The following JAZF1 variants were observed in gnomAD, a reference collection of about 807,000 sequenced individuals.
The protein encoded by JAZF1 is JAZF zinc finger 1.
In JAZF1, 8 loss-of-function variants were observed where a neutral mutation model predicts 26.4. The ratio of observed to expected loss-of-function variants is 0.30; its 90% CI spans 0.18 to 0.55. The LOEUF is 0.55. JAZF1 is among the 20% of genes least tolerant of loss of function. The pLI is 0.94. For synonymous variants in JAZF1, 126 were observed against 122.3 expected (o/e 1.03, Z -0.20); for missense variants, 199 against 322.0 (o/e 0.62, Z 2.92).
At position 27,992,006 on chromosome 7, in the gene JAZF1, T is replaced by A. The variant is rs779764198; in HGVS notation, c.116-25A>T. 2.9e-6 allele frequency: 4 copies of A among 1,388,158 alleles called. No homozygotes were observed. In the East Asian group the frequency reaches 9.1e-5, roughly 32 times the overall value. The allele number at this position is 1,388,158 out of a possible 1,614,324, so 86.0% of individuals were successfully genotyped here. A position where few individuals can be genotyped will look rare whatever the true frequency, so the allele number is the denominator to read the frequency against. The stretch of plus-strand genomic sequence containing the variant: ...TCTGTAATAAAAACACAATTACGAT[T>A]TTTTTTAGATTTTGCATCAGAATAT... On this transcript the variant is annotated intron_variant, in intron 1 of 4. Coordinates refer to ENST00000283928, the MANE Select transcript of JAZF1 (RefSeq NM_175061.4).
At chr7:28,034,322 T>C (rs1199993075) in intron 1 of JAZF1, among the ~76,000 whole-genome samples, 1 of 152,094 alleles carries the variant, frequency 6.6e-6, no homozygotes, top group Non-Finnish European at 1.5e-5. Context: ...CTAGAAGGCT[T>C]TGCCTACTGG....
chr7:28,074,881 T>A (rs530672867), intron 1 of JAZF1, among the ~76,000 whole-genome samples: 1 of 152,202 alleles, frequency 6.6e-6, no homozygotes, highest in South Asian at 2.1e-4. Flanking sequence ...GAATGAGACT[T>A]CTTAATGACT....
intron 2 of JAZF1, among the ~76,000 whole-genome samples, chr7:27,960,459 G>A (rs986056566): frequency 2.6e-5 from 4 of 152,226 alleles, no homozygotes; most frequent in African/African-American, 7.2e-5. Flanking sequence ...AAGGCATTGT[G>A]TAAAAATGTA....
At chr7:27,895,476 C>G (rs553663331) in intron 2 of JAZF1, 60 bp from the exon 3 acceptor site, 3 of 1,266,734 alleles carry the variant, frequency 2.4e-6, no homozygotes, top group South Asian at 3.3e-5. Context: ...GGACTGATGA[C>G]ATTTATTAGA....
At chr7:28,132,037 A>C (rs1160436752) in intron 1 of JAZF1, among the ~76,000 whole-genome samples, 1 of 152,234 alleles carries the variant, frequency 6.6e-6, no homozygotes, top group Non-Finnish European at 1.5e-5. Context: ...TCATGATCAG[A>C]TGCTTCTTGG....
intron 2 of JAZF1, among the ~76,000 whole-genome samples, chr7:27,932,830 G>A (rs1437557914): frequency 6.6e-6 from 1 of 152,126 alleles, no homozygotes; most frequent in Non-Finnish European, 1.5e-5. Context: ...GAAAAACAAT[G>A]ATTCTTTTCT....
intron 1 of JAZF1, among the ~76,000 whole-genome samples, chr7:27,998,635 A>C (rs1443791928): frequency 6.6e-6 from 1 of 152,246 alleles, no homozygotes; most frequent in African/African-American, 2.4e-5. Context: ...TCAATGTGAA[A>C]TCCAGATGCG....
intron 2 of JAZF1, among the ~76,000 whole-genome samples, chr7:27,980,274 A>G (rs1785555070): frequency 6.6e-6 from 1 of 152,156 alleles, no homozygotes. Context: ...GGTTTTCCAG[A>G]GGCTGTACGA....
chr7:28,153,450 T>C (rs545374805), intron 1 of JAZF1, among the ~76,000 whole-genome samples: 1 of 152,312 alleles, frequency 6.6e-6, no homozygotes, highest in South Asian at 2.1e-4. Flanking sequence ...TTGCAGGTTT[T>C]TCCCAACTAT....
chr7:27,876,342 C>G (rs951689573), intron 3 of JAZF1, among the ~76,000 whole-genome samples: 4 of 152,186 alleles, frequency 2.6e-5, no homozygotes, highest in Non-Finnish European at 5.9e-5. Context: ...GTCAACTCTA[C>G]TGGACTCTAG....
chr7:27,881,119 A>T (rs1397072400), intron 3 of JAZF1, among the ~76,000 whole-genome samples: 1 of 152,216 alleles, frequency 6.6e-6, no homozygotes. Flanking sequence ...GCCAATTTTT[A>T]TATTTGCAGT....
At chr7:28,064,456 AC>A (rs1783849089) in intron 1 of JAZF1, among the ~76,000 whole-genome samples, 1 of 152,168 alleles carries the variant, frequency 6.6e-6, no homozygotes, top group Non-Finnish European at 1.5e-5. Flanking sequence ...CCTATTTATC[AC>A]CCATTCAACA....
chr7:27,895,145 G>GC (rs1275769260), intron 3 of JAZF1, 75 bp downstream of exon 3: 3 of 987,140 alleles, frequency 3.0e-6, no homozygotes, highest in Admixed American at 6.5e-5. Context: ...GCCCCTTTCT[G>GC]CCCCCAGCAC....
chr7:27,950,690 T>C (rs1784994423), intron 2 of JAZF1, among the ~76,000 whole-genome samples: 1 of 152,224 alleles, frequency 6.6e-6, no homozygotes. Flanking sequence ...CAATTCTGTA[T>C]TGTCCAAGGG....
chr7:28,004,514 T>C (rs758657647), intron 1 of JAZF1, among the ~76,000 whole-genome samples: 1 of 152,202 alleles, frequency 6.6e-6, no homozygotes, highest in East Asian at 1.9e-4. Flanking sequence ...GGAAAAGGGA[T>C]AGAGAACTGG....
chr7:28,019,019 C>T (rs984263593), intron 1 of JAZF1, among the ~76,000 whole-genome samples: 1 of 152,200 alleles, frequency 6.6e-6, no homozygotes, highest in African/African-American at 2.4e-5. Context: ...CTCCAGGTTA[C>T]ATAAGCCCTG....
At chr7:28,107,543 C>T (rs1428094753) in intron 1 of JAZF1, among the ~76,000 whole-genome samples, 1 of 152,178 alleles carries the variant, frequency 6.6e-6, no homozygotes, top group Non-Finnish European at 1.5e-5. Context: ...TCTCCATGGG[C>T]TTCAACTTCT....
At chr7:28,128,686 C>CTTGCTGAGTTTATAT (rs1186125294) in intron 1 of JAZF1, among the ~76,000 whole-genome samples, 13 of 152,158 alleles carry the variant, frequency 8.5e-5, no homozygotes, top group Non-Finnish European at 1.6e-4. Flanking sequence ...GAAGGTGTGT[C>CTTGCTGAGTTTATAT]TTGCTGAGTT....
At chr7:28,091,338 CACG>C (rs1784293176) in intron 1 of JAZF1, among the ~76,000 whole-genome samples, 1 of 151,730 alleles carries the variant, frequency 6.6e-6, no homozygotes, top group South Asian at 2.1e-4. Context: ...TGTTATTTTT[CACG>C]ACTATTTAAA....
Sources: allele counts gnomAD v4.1 joint callset (sites outside exome capture counted in the v4.1 genomes callset), GRCh38; gene constraint gnomAD v4.1.1; transcripts MANE v1.5; gene names NCBI Gene and HGNC (gene_info 2026-07-23, HGNC 2026-07-21).